ANKRD62: variants seen among roughly 807,000 people sequenced by gnomAD.
ANKRD62 encodes ankyrin repeat domain 62.
A neutral mutation model predicts 98.8 loss-of-function variants in ANKRD62; 61 were observed. The observed-to-expected ratio is 0.62, with a 90% CI of 0.50 to 0.76. The LOEUF is 0.76. Among genes scored for constraint, ANKRD62 ranks in the 30% least tolerant of loss-of-function variants. ANKRD62 has a pLI of 0.00. For synonymous variants in ANKRD62, 341 were observed against 367.9 expected, an observed-to-expected ratio of 0.93 and a Z score of 0.84; for missense variants, 933 against 1,082.9, an observed-to-expected ratio of 0.86 and a Z score of 1.94.
the ANKRD62 span, among the ~76,000 whole-genome samples, chr18:12,176,131 G>T: frequency 2.6e-5 from 4 of 151,640 alleles, no homozygotes; most frequent in African/African-American, 7.3e-5. Context: ...GGCAGAGGTT[G>T]CAGTGAGCTG....
At chr18:12,141,385 C>T in the ANKRD62 span, among the ~76,000 whole-genome samples, 14 of 152,298 alleles carry the variant, frequency 9.2e-5, no homozygotes, top group Admixed American at 3.9e-4. Flanking sequence ...GAGATGAACC[C>T]GGTACCTCAG....
the ANKRD62 span, among the ~76,000 whole-genome samples, chr18:12,172,499 A>G: frequency 7.9e-5 from 12 of 152,216 alleles, no homozygotes; most frequent in South Asian, 8.3e-4. Context: ...TTCATCTCAG[A>G]GGGCCACCCT....
the ANKRD62 span, among the ~76,000 whole-genome samples, chr18:12,141,151 G>A: frequency 6.6e-6 from 1 of 152,248 alleles, no homozygotes; most frequent in African/African-American, 2.4e-5. Context: ...GACTCTCCGA[G>A]CCATGTGTGG....
At chr18:12,152,540 T>G in the ANKRD62 span, among the ~76,000 whole-genome samples, 1 of 152,184 alleles carries the variant, frequency 6.6e-6, no homozygotes, top group African/African-American at 2.4e-5. Flanking sequence ...ACACCCTTCA[T>G]GTTAAAAACT....
the ANKRD62 span, among the ~76,000 whole-genome samples, chr18:12,178,385 G>A: frequency 4.1e-5 from 6 of 146,858 alleles, no homozygotes; most frequent in Non-Finnish European, 8.9e-5. Flanking sequence ...AACACGGGAG[G>A]CCAGACAGTA....
downstream of ANKRD62, among the ~76,000 whole-genome samples, chr18:12,132,224 T>C (rs1227887018): frequency 6.6e-6 from 1 of 152,192 alleles, no homozygotes; most frequent in African/African-American, 2.4e-5. Flanking sequence ...TTCCTAGCAG[T>C]TTATTTCTAA....
the ANKRD62 span, among the ~76,000 whole-genome samples, chr18:12,169,444 G>T: frequency 6.6e-6 from 1 of 152,008 alleles, no homozygotes; most frequent in African/African-American, 2.4e-5. Context: ...TTATTGATTT[G>T]CGTATGTTGA....
At chr18:12,107,114 A>G (rs781048984) in intron 7 of ANKRD62, among the ~76,000 whole-genome samples, 181 bp from the exon 8 acceptor site, 1 of 130,726 alleles carries the variant, frequency 7.6e-6, no homozygotes, top group African/African-American at 2.8e-5. Context: ...CAGACTTTAT[A>G]TGAATTTCAA....
At chr18:12,110,646 C>G (rs1351399902) in intron 8 of ANKRD62, among the ~76,000 whole-genome samples, 1 of 152,150 alleles carries the variant, frequency 6.6e-6, no homozygotes, top group Non-Finnish European at 1.5e-5. Context: ...CTTGAACTCA[C>G]TGCTGTAATT....
At chr18:12,176,536 C>A in the ANKRD62 span, among the ~76,000 whole-genome samples, 1 of 124,746 alleles carries the variant, frequency 8.0e-6, no homozygotes, top group South Asian at 2.7e-4. Context: ...TTCAACTTTC[C>A]GAGCCAGAGC....
At chr18:12,165,067 AT>A in the ANKRD62 span, among the ~76,000 whole-genome samples, 1 of 151,746 alleles carries the variant, frequency 6.6e-6, no homozygotes, top group African/African-American at 2.4e-5. Flanking sequence ...TTTGAAATCT[AT>A]TTTGTCTGAT....
At chr18:12,096,690 C>A (rs1909190149) in intron 4 of ANKRD62, among the ~76,000 whole-genome samples, 1 of 152,208 alleles carries the variant, frequency 6.6e-6, no homozygotes, top group African/African-American at 2.4e-5. Flanking sequence ...CTGCTTCTTA[C>A]ATGCTTTTCC....
chr18:12,133,328 G>A (rs114181333), downstream of ANKRD62, among the ~76,000 whole-genome samples: 1,351 of 152,146 alleles, frequency 8.9e-3, 15 homozygotes, highest in African/African-American at 0.03. Flanking sequence ...TGGACATTTC[G>A]ATTGTTTCCA....
the ANKRD62 span, among the ~76,000 whole-genome samples, chr18:12,177,464 G>A: frequency 6.6e-6 from 1 of 152,092 alleles, no homozygotes; most frequent in Non-Finnish European, 1.5e-5. Flanking sequence ...AGGAGAGGGT[G>A]GCAGCTATGA....
chr18:12,094,790 GGT>G (rs1909142213), intron 1 of ANKRD62, among the ~76,000 whole-genome samples: 3 of 101,728 alleles, frequency 2.9e-5, no homozygotes, highest in Non-Finnish European at 6.2e-5. Flanking sequence ...TGTGGGGGTG[GGT>G]GGGGTTGGGG....
chr18:12,136,388 T>G, the ANKRD62 span, among the ~76,000 whole-genome samples: 3 of 152,058 alleles, frequency 2.0e-5, no homozygotes, highest in Non-Finnish European at 4.4e-5. Context: ...GCTCTGTTCT[T>G]TTCCATTGGT....
chr18:12,111,211 T>C (rs2143912547), intron 8 of ANKRD62, among the ~76,000 whole-genome samples: 1 of 150,066 alleles, frequency 6.7e-6, no homozygotes, highest in African/African-American at 2.5e-5. Context: ...ATTGCACCAC[T>C]GCACTCCAGC....
chr18:12,136,806 A>G, the ANKRD62 span, among the ~76,000 whole-genome samples: 1 of 152,258 alleles, frequency 6.6e-6, no homozygotes, highest in Non-Finnish European at 1.5e-5. Context: ...TTCTCTTTGA[A>G]GCAATTGTGA....
Position 12,127,201 on chromosome 18 carries a change from A to G in ANKRD62, c.2563-547A>G, listed in dbSNP as rs568515503. 7.9e-5 allele frequency among the ~76,000 whole-genome samples: 12 copies of G among 152,306 alleles called. No homozygotes were observed. The South Asian group carries it at 1.5e-3, about 18-fold the overall frequency. On this transcript the variant is annotated intron_variant, in intron 13 of 13. Transcript: ENST00000587848. ...AGTTTCACATTGGATCCTCATTTTT[A>G]GACTAATGAGGGGTGGTAGGAACGG...
Sources: allele counts gnomAD v4.1 joint callset (sites outside exome capture counted in the v4.1 genomes callset), GRCh38; gene constraint gnomAD v4.1.1; transcripts MANE v1.5; gene names NCBI Gene and HGNC (gene_info 2026-07-23, HGNC 2026-07-21).